Variants in CSMD1 observed in about 807,000 individuals in gnomAD.
CSMD1 encodes the protein CUB and Sushi multiple domains 1.
Under a neutral mutation model 417.5 loss-of-function variants are expected in CSMD1, and 213 were observed. The observed-to-expected ratio is 0.51, with a 90% CI of 0.46 to 0.57. CSMD1 has a LOEUF of 0.57. Ranked by LOEUF, CSMD1 falls within the 20% of genes least tolerant of loss-of-function variation. The pLI, the probability that CSMD1 is intolerant of heterozygous loss-of-function variation, is 0.00. For missense variants in CSMD1, 6,923 were observed against 4,529.7 expected (o/e 1.53, Z -15.17); for synonymous variants, 2,862 against 1,736.8 (o/e 1.65, Z -16.11).
At chr8:3,381,264 C>T (rs10103449) in intron 18 of CSMD1, among the ~76,000 whole-genome samples, 3,530 of 150,974 alleles carry the variant, frequency 0.023, 138 homozygotes, top group African/African-American at 0.081. Flanking sequence ...ACAGATCTAC[C>T]CACATGAAAA....
intron 18 of CSMD1, 134 bp downstream of exon 18, chr8:3,387,360 T>C: frequency 4.6e-6 from 3 of 652,210 alleles, no homozygotes; most frequent in South Asian, 4.0e-5. Flanking sequence ...GATGATGGTA[T>C]ACAACTTCTC....
intron 3 of CSMD1, among the ~76,000 whole-genome samples, chr8:4,407,015 A>G (rs546054113): frequency 1.3e-5 from 2 of 152,304 alleles, no homozygotes; most frequent in South Asian, 4.1e-4. Flanking sequence ...CACCATAGCT[A>G]CGGGTCCCCT....
At chr8:4,806,970 A>G (rs1798625328) in intron 1 of CSMD1, among the ~76,000 whole-genome samples, 1 of 152,152 alleles carries the variant, frequency 6.6e-6, no homozygotes, top group African/African-American at 2.4e-5. Flanking sequence ...TGGCATTTTG[A>G]TTTTTCAAAA....
intron 10 of CSMD1, among the ~76,000 whole-genome samples, chr8:3,538,942 A>T (rs115193395): frequency 1.3e-5 from 2 of 152,212 alleles, no homozygotes; most frequent in African/African-American, 4.8e-5. Flanking sequence ...CGTTTGTGAG[A>T]CCCCAATGTC....
At chr8:3,965,848 A>G (rs1812648410) in intron 5 of CSMD1, among the ~76,000 whole-genome samples, 1 of 151,990 alleles carries the variant, frequency 6.6e-6, no homozygotes, top group African/African-American at 2.4e-5. Context: ...TGAACTCTTG[A>G]CCTCATACTG....
chr8:3,578,003 G>A (rs1189786490), intron 9 of CSMD1, among the ~76,000 whole-genome samples: 2 of 152,100 alleles, frequency 1.3e-5, no homozygotes, highest in African/African-American at 2.4e-5. Context: ...CAGAGTGTCT[G>A]TTGTCCCCTA....
intron 5 of CSMD1, among the ~76,000 whole-genome samples, chr8:3,985,553 C>A (rs1194998917): frequency 6.6e-6 from 1 of 152,074 alleles, no homozygotes; most frequent in Non-Finnish European, 1.5e-5. Context: ...CCATGGATTG[C>A]TCTACTATGG....
intron 5 of CSMD1, among the ~76,000 whole-genome samples, chr8:3,972,538 C>T (rs571001955): frequency 1.3e-4 from 20 of 152,276 alleles, no homozygotes; most frequent in Admixed American, 1.1e-3. Flanking sequence ...TGAATAAGCA[C>T]GTGTGACCAC....
At chr8:4,947,063 G>A (rs1224775660) in intron 1 of CSMD1, among the ~76,000 whole-genome samples, 1 of 152,098 alleles carries the variant, frequency 6.6e-6, no homozygotes, top group Admixed American at 6.6e-5. Context: ...AAATGCTACA[G>A]AATTTGTAAT....
rs192627183 is a variant in CSMD1, at chr8:3,232,033, T to A, written c.4154-1802A>T. 3.5e-3 allele frequency among the ~76,000 whole-genome samples: 526 copies of A among 152,302 alleles called. 2 individuals carry two copies. The highest frequency in any genetic ancestry group is 4.9e-3 in the Non-Finnish European group (335 of 68,016). On this transcript the variant is annotated intron_variant, in intron 26 of 69. Transcript: ENST00000635120. Reference sequence around the variant, plus strand: ...ATACATGTGTGTATCTATAACACAATGAGAACAATGAAATGAACATCTGTG... The same window carrying A: ...ATACATGTGTGTATCTATAACACAAAGAGAACAATGAAATGAACATCTGTG...
In CSMD1 at chr8:4,014,893, G is replaced by C. The variant is rs1423419115; in HGVS notation, c.611-16783C>G. Among the ~76,000 whole-genome samples, 4 of 152,082 alleles carry C rather than the reference G, an allele frequency of 2.6e-5. No homozygotes were observed. In the East Asian group the frequency reaches 7.7e-4, roughly 29 times the overall value. On this transcript the variant is annotated intron_variant, in intron 4 of 69. Coordinates refer to ENST00000635120, the MANE Select transcript of CSMD1 (RefSeq NM_033225.6). ...GTAACCCACAAAGCTGAAAATAATG[G>C]GCAGAGCCACTTCTGATTATTTTTT...
chr8:4,740,046 C>A (rs939010097), intron 1 of CSMD1, among the ~76,000 whole-genome samples: 1 of 152,040 alleles, frequency 6.6e-6, no homozygotes, highest in Non-Finnish European at 1.5e-5. Flanking sequence ...AATGCCACAG[C>A]TCTGGGAATG....
intron 29 of CSMD1, among the ~76,000 whole-genome samples, chr8:3,218,554 C>G (rs1297018969): frequency 2.6e-5 from 3 of 115,460 alleles, no homozygotes; most frequent in Non-Finnish European, 5.4e-5. Context: ...GAGCAAGACT[C>G]CATCTCAAAA....
At chr8:3,829,895 T>G (rs568247644) in intron 5 of CSMD1, among the ~76,000 whole-genome samples, 1 of 152,150 alleles carries the variant, frequency 6.6e-6, no homozygotes, top group Non-Finnish European at 1.5e-5. Flanking sequence ...TCTATCTACA[T>G]AGATCTATTG....
At position 4,286,627 on chromosome 8, in the gene CSMD1, G is replaced by A. The variant is rs113324746; in HGVS notation, c.415+133326C>T. On this transcript the variant is annotated intron_variant, in intron 3 of 69. Coordinates refer to ENST00000635120, the MANE Select transcript of CSMD1 (RefSeq NM_033225.6). ...AGGTTTGGGAACACCACTTGACCTC[G>A]AAGAAAGGTTTATCCTCCAAGAAAG... Among the ~76,000 whole-genome samples the A allele has an allele frequency of 2.5e-3, 375 of 152,228 alleles. 2 individuals are homozygous for A. The highest frequency in any genetic ancestry group is 8.6e-3 in the African/African-American group (359 of 41,536).
At chr8:4,443,018 T>G (rs1356470751) in intron 2 of CSMD1, among the ~76,000 whole-genome samples, 2 of 152,218 alleles carry the variant, frequency 1.3e-5, no homozygotes, top group African/African-American at 4.8e-5. Context: ...AAACACTGTC[T>G]ACTTTAAAGA....
rs927000857 is a variant in CSMD1, at chr8:3,359,198, C to A, written c.3258G>T (p.Leu1086=). The change falls in exon 21 of 70, where the codon CTG becomes CTT. Residue 1086 remains leucine, a synonymous_variant. Transcript: ENST00000635120. ...RLEGATKLTC[L]GGGRRVWSAP... Reference sequence around the variant, plus strand: ...CACTCCACACACGGCGGCCCCCACCCAGGCAGGTAAGCTTGGTGGCACCTT... The same window carrying A: ...CACTCCACACACGGCGGCCCCCACCAAGGCAGGTAAGCTTGGTGGCACCTT... 6.2e-7 allele frequency: 1 copy of A among 1,613,990 alleles called. No individual in the cohort carries two copies. The highest frequency in any genetic ancestry group is 8.5e-7 in the Non-Finnish European group (1 of 1,179,922).
At chr8:4,637,191 C>A (rs951794387) in intron 2 of CSMD1, 151 bp downstream of exon 2, 9 of 613,762 alleles carry the variant, frequency 1.5e-5, no homozygotes, top group Non-Finnish European at 2.3e-5. Context: ...CCCCAAAGGT[C>A]TGTGGCTTCA....
chr8:4,286,968 G>T (rs989607164), intron 3 of CSMD1, among the ~76,000 whole-genome samples: 12 of 152,170 alleles, frequency 7.9e-5, no homozygotes, highest in Non-Finnish European at 1.5e-4. Flanking sequence ...GCAGCTGAAG[G>T]AGGCTGACAT....
Sources: gnomAD v4.1 joint callset for allele counts (sites outside exome capture counted in the v4.1 genomes callset) on GRCh38, gnomAD v4.1.1 for gene constraint, MANE v1.5 for transcripts, NCBI Gene and HGNC (gene_info 2026-07-23, HGNC 2026-07-21) for gene names.